Variants in DHODH observed in about 807,000 individuals in gnomAD.
DHODH encodes dihydroorotate dehydrogenase (quinone), also known as dihydroorotate dehydrogenase (quinone), mitochondrial.
In DHODH, 30 loss-of-function variants were observed where a neutral mutation model predicts 39.7. The observed-to-expected ratio is 0.76, with a 90% CI of 0.57 to 1.02. DHODH has a LOEUF of 1.02. Among genes scored for constraint, DHODH ranks in the 50% least tolerant of loss-of-function variants. DHODH has a pLI of 0.00. For synonymous variants in DHODH, 222 were observed against 213.8 expected, an observed-to-expected ratio of 1.04 and a Z score of -0.34; for missense variants, 531 against 520.8, an observed-to-expected ratio of 1.02 and a Z score of -0.19.
At chr16:72,021,377 T>C in intron 5 of DHODH, 66 bp downstream of exon 5, 1 of 1,514,064 alleles carries the variant, frequency 6.6e-7, no homozygotes, top group Non-Finnish European at 8.9e-7. Context: ...CCCTTCATTC[T>C]CCAGGGCGAA....
chr16:72,024,972 CAA>C lies in DHODH; in HGVS notation c.*776_*777del, dbSNP rs921081521. 2.0e-5 allele frequency: 3 copies of C among 152,280 alleles called. No homozygotes were observed. The highest frequency in any genetic ancestry group is 4.4e-5 in the Non-Finnish European group (3 of 68,096). The allele number at this position is 152,280 out of a possible 1,614,324, so 9.4% of individuals were successfully genotyped here. ...CGACAGATCAAGACTCTGTCACACA[CAA>C]AACAAACAAACAAATTTTCCCGTTT... On this transcript the variant is annotated 3_prime_UTR_variant, in exon 9 of 9. Transcript: ENST00000219240.
chr16:72,016,620 C>G (rs1340874008), intron 3 of DHODH: 1 of 340,506 alleles, frequency 2.9e-6, no homozygotes. Context: ...TTGCTCTGAG[C>G]TAGGAAGAGA....
intron 4 of DHODH, among the ~76,000 whole-genome samples, chr16:72,019,255 T>A (rs1011460670): frequency 6.6e-6 from 1 of 152,116 alleles, no homozygotes; most frequent in African/African-American, 2.4e-5. Context: ...TGCGCCCGGC[T>A]TCTAATTGGG....
chr16:72,022,213 C>A (rs754648499), intron 5 of DHODH, 149 bp from the exon 6 acceptor site: 3 of 665,442 alleles, frequency 4.5e-6, no homozygotes, highest in Admixed American at 4.2e-5. Context: ...GTACTCCTCA[C>A]GTCTGAGGGC....
chr16:72,020,353 A>ATATATATATG (rs1491148985), intron 4 of DHODH: 3 of 109,456 alleles, frequency 2.7e-5, no homozygotes, highest in African/African-American at 1.2e-4. Flanking sequence ...ATATATATAT[A>ATATATATATG]TGTGTATATA....
Position 72,023,196 on chromosome 16 carries a change from C to G in DHODH, c.851C>G (p.Thr284Ser). 6.2e-7 allele frequency: 1 copy of G among 1,614,210 alleles called. No homozygotes were observed. The highest frequency in any genetic ancestry group is 2.2e-5 in the East Asian group (1 of 44,880). Residue 284 changes from threonine (T) to serine (S), a missense_variant, in exon 7 of 9, where the codon ACC becomes AGC. Transcript: ENST00000219240. ...ATCGATGGGCTGATTGTTACGAACA[C>G]CACCGTGAGTCGCCCTGCGGGCCTC... ...LGIDGLIVTNTTVSRPAGLQG... is the reference protein window; with the variant it reads ...LGIDGLIVTNSTVSRPAGLQG...
intron 4 of DHODH, among the ~76,000 whole-genome samples, chr16:72,019,764 T>C (rs1011857619): frequency 2.6e-5 from 4 of 152,176 alleles, no homozygotes; most frequent in African/African-American, 9.7e-5. Context: ...CCCTCAGTTA[T>C]TATATGAGGG....
intron 2 of DHODH, among the ~76,000 whole-genome samples, chr16:72,012,624 G>C (rs569549430): frequency 6.6e-6 from 1 of 152,210 alleles, no homozygotes; most frequent in Non-Finnish European, 1.5e-5. Flanking sequence ...AGAGTCTGAC[G>C]CTGGCTTCCC....
rs1454871100 is a variant in DHODH at position 72,024,827 on chromosome 16, G to C, written c.*628G>C. 6.5e-6 allele frequency: 1 copy of C among 152,990 alleles called. No homozygotes were observed. Among genetic ancestry groups the C allele is most frequent in the East Asian group, 1.9e-4 (1 of 5,206 alleles). 9.5% of individuals were successfully genotyped at this position (152,990 alleles called of 1,614,324 possible). On this transcript the variant is annotated 3_prime_UTR_variant, in exon 9 of 9. Transcript: ENST00000219240. ...TACCAAAAATACAAAAAATTAGCCA[G>C]ATATTGTGGCAGGCACTTTTAATCC...
chr16:72,019,514 G>C (rs916650469), intron 4 of DHODH, among the ~76,000 whole-genome samples: 1 of 152,212 alleles, frequency 6.6e-6, no homozygotes, highest in African/African-American at 2.4e-5. Flanking sequence ...AGTAAACTTA[G>C]AAGAAGTCAA....
intron 2 of DHODH, among the ~76,000 whole-genome samples, chr16:72,014,255 T>C (rs2041115079): frequency 6.6e-6 from 1 of 152,162 alleles, no homozygotes; most frequent in Non-Finnish European, 1.5e-5. Context: ...TTTCAAACTC[T>C]AGCTGGTGTC....
At chr16:72,016,125 G>A (rs1004587052) in intron 3 of DHODH, 2 of 152,804 alleles carry the variant, frequency 1.3e-5, no homozygotes, top group Non-Finnish European at 2.9e-5. Flanking sequence ...CAAGTATTAT[G>A]TTCTTACACG....
In DHODH at chr16:72,024,440, T is replaced by C. The variant is rs1171968900; in HGVS notation, c.*241T>C. ...GGATTCAAACCCTAGGATCCATCAG[T>C]CTTGCAAGGACATTGAATATTAGGA... is the stretch of plus-strand genomic sequence containing the variant. On this transcript the variant is annotated 3_prime_UTR_variant, in exon 9 of 9. Transcript: ENST00000219240. 1 of 567,286 alleles carries C rather than the reference T, an allele frequency of 1.8e-6. No individual in the cohort carries two copies. The highest frequency in any genetic ancestry group is 3.0e-5 in the East Asian group (1 of 33,284). The allele number at this position is 567,286 out of a possible 1,614,324, so 35.1% of individuals were successfully genotyped here.
intron 6 of DHODH, 51 bp downstream of exon 6, chr16:72,022,526 C>A: frequency 7.0e-7 from 1 of 1,437,728 alleles, no homozygotes; most frequent in Non-Finnish European, 9.5e-7. Flanking sequence ...TCTGCAGAGG[C>A]CGTTTGGCCA....
Position 72,018,729 on chromosome 16 carries a change from G to A in DHODH, c.517+1623G>A, listed in dbSNP as rs2041171468. Among the ~76,000 whole-genome samples the A allele has an allele frequency of 2.0e-5, 3 of 152,158 alleles. No homozygotes were observed. In the South Asian group the frequency reaches 6.2e-4, roughly 32 times the overall value. Reference sequence around the variant, plus strand: ...AGCACCATGCCAAGGAACACGCGTTGACAAAAGCTTTGGTGCCCTCTGGGG... The same window carrying A: ...AGCACCATGCCAAGGAACACGCGTTAACAAAAGCTTTGGTGCCCTCTGGGG... On this transcript the variant is annotated intron_variant, in intron 4 of 8. Coordinates refer to ENST00000219240, the MANE Select transcript of DHODH (RefSeq NM_001361.5).
chr16:72,014,478 G>A lies in DHODH; in HGVS notation c.240G>A (p.Val80=). The A allele has an allele frequency of 6.2e-7, 1 of 1,614,144 alleles. No individual in the cohort carries two copies. Among genetic ancestry groups the A allele is most frequent in the Non-Finnish European group, 8.5e-7 (1 of 1,180,000 alleles). Reference sequence around the variant, plus strand: ...CTTTGTCTTCCTCTTCCCAGGAAGTGAGAGTTCTGGGCCATAAATTCCGAA... The same window carrying A: ...CTTTGTCTTCCTCTTCCCAGGAAGTAAGAGTTCTGGGCCATAAATTCCGAA... ...ARFQDSDMLE[V]RVLGHKFRNP... The change falls in exon 3 of 9, where the codon GTG becomes GTA. Residue 80 remains valine (V), a synonymous_variant. Coordinates refer to ENST00000219240, the MANE Select transcript of DHODH (RefSeq NM_001361.5).
At chr16:72,017,197 A>G in intron 4 of DHODH, 91 bp downstream of exon 4, 1 of 1,367,640 alleles carries the variant, frequency 7.3e-7, no homozygotes, top group Non-Finnish European at 1.0e-6. Flanking sequence ...AATAAACATG[A>G]TTGAGCAATA....
intron 4 of DHODH, among the ~76,000 whole-genome samples, chr16:72,017,316 G>C (rs1229514780): frequency 2.6e-5 from 4 of 152,154 alleles, no homozygotes; most frequent in African/African-American, 9.7e-5. Flanking sequence ...TACTCACTTT[G>C]CCTCTGCCTT....
chr16:72,023,556 G>C lies in DHODH; in HGVS notation c.1056G>C (p.Val352=). 1.2e-6 allele frequency: 2 copies of C among 1,614,154 alleles called. No individual in the cohort carries two copies. The highest frequency in any genetic ancestry group is 1.7e-6 in the Non-Finnish European group (2 of 1,180,040). Residue 352 remains valine, a synonymous_variant, in exon 8 of 9, where the codon GTG becomes GTC. Coordinates refer to ENST00000219240, the MANE Select transcript of DHODH (RefSeq NM_001361.5). ...AGATCCGGGCAGGGGCCTCCCTGGT[G>C]CAGCTGTACACGGCCCTCACCTTCT... is the stretch of plus-strand genomic sequence containing the variant. The part of the protein sequence containing the change: ...LEKIRAGASL[V]QLYTALTFWG...
Sources: gnomAD v4.1 joint callset for allele counts (sites outside exome capture counted in the v4.1 genomes callset) on GRCh38, gnomAD v4.1.1 for gene constraint, MANE v1.5 for transcripts, NCBI Gene and HGNC (gene_info 2026-07-23, HGNC 2026-07-21) for gene names.